Variants in FOXP1 observed in about 807,000 individuals in gnomAD.
The protein encoded by FOXP1 is forkhead box protein P1.
In FOXP1, 15 loss-of-function variants were observed where a neutral mutation model predicts 98.2. That is an observed-to-expected ratio of 0.15 (90% CI 0.10 to 0.24). The LOEUF is 0.24. FOXP1 is among the 10% of genes least tolerant of loss of function. The pLI, the probability that FOXP1 is intolerant of heterozygous loss-of-function variation, is 1.00. For synonymous variants in FOXP1, 371 were observed against 314.5 expected (o/e 1.18, Z -1.90); for missense variants, 633 against 848.5 (o/e 0.75, Z 3.15).
intron 7 of FOXP1, among the ~76,000 whole-genome samples, chr3:71,105,741 C>T (rs979167181): frequency 6.6e-6 from 1 of 152,082 alleles, no homozygotes; most frequent in Non-Finnish European, 1.5e-5. Flanking sequence ...GATCACCTTT[C>T]TGTCCCCACC....
At chr3:71,518,651 AT>A (rs2107417584) in intron 2 of FOXP1, among the ~76,000 whole-genome samples, 1 of 152,368 alleles carries the variant, frequency 6.6e-6, no homozygotes, top group East Asian at 1.9e-4. Context: ...TGGTGGCGCC[AT>A]AAAATGTAAG....
chr3:71,521,475 C>G (rs2042980857), intron 2 of FOXP1, among the ~76,000 whole-genome samples: 1 of 137,530 alleles, frequency 7.3e-6, no homozygotes, highest in African/African-American at 2.7e-5. Flanking sequence ...TGTGGTGAGC[C>G]AAGATCACAC....
chr3:71,288,068 C>CG (rs1560246552), intron 5 of FOXP1, among the ~76,000 whole-genome samples: 1 of 151,896 alleles, frequency 6.6e-6, no homozygotes, highest in African/African-American at 2.4e-5. Flanking sequence ...TTAGTAGAGA[C>CG]GGGGTTTCTC....
chr3:71,062,442 T>C (rs1434772166), intron 7 of FOXP1, among the ~76,000 whole-genome samples: 1 of 152,210 alleles, frequency 6.6e-6, no homozygotes. Context: ...GACACTTAGG[T>C]TGTTTTCTAT....
At chr3:71,218,240 T>C (rs779568543) in intron 5 of FOXP1, among the ~76,000 whole-genome samples, 1 of 152,218 alleles carries the variant, frequency 6.6e-6, no homozygotes, top group Non-Finnish European at 1.5e-5. Flanking sequence ...TAGGTCTCCA[T>C]GTATGTACAA....
At chr3:70,976,803 TACACCTAG>T (rs2037658874) in intron 17 of FOXP1, 130 bp downstream of exon 17, 1 of 676,042 alleles carries the variant, frequency 1.5e-6, no homozygotes, top group African/African-American at 1.8e-5. Flanking sequence ...CCCAATCAAA[TACACCTAG>T]AGATTGGACA....
At chr3:71,490,913 AC>A (rs1395518586) in intron 3 of FOXP1, among the ~76,000 whole-genome samples, 3 of 152,218 alleles carry the variant, frequency 2.0e-5, no homozygotes, top group African/African-American at 7.2e-5. Flanking sequence ...TTATTTCAAT[AC>A]CTTCAGAATT....
chr3:70,994,116 C>T (rs554213103), intron 13 of FOXP1, among the ~76,000 whole-genome samples: 64 of 151,866 alleles, frequency 4.2e-4, no homozygotes, highest in African/African-American at 1.4e-3. Flanking sequence ...CCAAGAAATT[C>T]GGGACATAAG....
At chr3:70,987,196 A>G (rs548894290) in intron 14 of FOXP1, among the ~76,000 whole-genome samples, 1 of 151,700 alleles carries the variant, frequency 6.6e-6, no homozygotes, top group South Asian at 2.1e-4. Context: ...TAATCAGTTA[A>G]AGCTACTAGG....
chr3:70,966,017 C>T lies in FOXP1; in HGVS notation c.1762G>A (p.Ala588Thr), dbSNP rs202173892. 390 of 1,614,076 alleles carry T rather than the reference C, an allele frequency of 2.4e-4. No individual in the cohort carries two copies. Among genetic ancestry groups the T allele is most frequent in the Admixed American group, 1.1e-3 (67 of 60,012 alleles). Residue 588 changes from alanine to threonine, a missense_variant, in exon 20 of 21, where the codon GCT (alanine) becomes ACT (threonine). Transcript: ENST00000649528. ...CCCAGAGTGGGATTTCCCATGGAAG[C>T]GGTAGTGTATAGAGGTATACTATTC... ...AENSIPLYTT[A>T]SMGNPTLGNL...
intron 5 of FOXP1, among the ~76,000 whole-genome samples, chr3:71,215,169 C>A (rs536996115): frequency 1.3e-5 from 2 of 152,304 alleles, no homozygotes; most frequent in Non-Finnish European, 2.9e-5. Flanking sequence ...TCTAGCTCAG[C>A]CAATTTTTAA....
chr3:71,230,833 A>G (rs536174139), intron 5 of FOXP1, among the ~76,000 whole-genome samples: 2 of 152,340 alleles, frequency 1.3e-5, no homozygotes, highest in Non-Finnish European at 2.9e-5. Flanking sequence ...GGCATCACTT[A>G]TCAACTGTAG....
At position 71,555,992 on chromosome 3, in the gene FOXP1, G is replaced by A. The variant is rs370055372; in HGVS notation, c.-298+25557C>T. On this transcript the variant is annotated intron_variant, in intron 2 of 20. Coordinates refer to ENST00000649528, the MANE Select transcript of FOXP1 (RefSeq NM_001349338.3). ...ATTAAACAATTATAAGAAAATAAAT[G>A]GGATGGGTAGAAAAATCTGTCTTAC... Among the ~76,000 whole-genome samples the A allele has an allele frequency of 2.6e-5, 4 of 151,954 alleles. No individual in the cohort carries two copies. In the East Asian group the frequency reaches 7.7e-4, roughly 29 times the overall value.
At chr3:71,341,201 C>A (rs1323963863) in intron 4 of FOXP1, among the ~76,000 whole-genome samples, 1 of 152,130 alleles carries the variant, frequency 6.6e-6, no homozygotes. Flanking sequence ...AGGACACTCT[C>A]CAGGATATAC....
chr3:71,422,720 C>A (rs868018724), intron 3 of FOXP1, among the ~76,000 whole-genome samples: 7 of 152,264 alleles, frequency 4.6e-5, no homozygotes, highest in Middle Eastern at 3.4e-3. Flanking sequence ...TGTACAGCTC[C>A]CACACTTCAG....
At chr3:70,969,495 A>G (rs894874942) in intron 19 of FOXP1, 2 of 152,228 alleles carry the variant, frequency 1.3e-5, no homozygotes, top group Non-Finnish European at 2.9e-5. Context: ...CTGGGCCTGT[A>G]GGGTACAGAG....
chr3:70,973,182 G>A lies in FOXP1; in HGVS notation c.1531-506C>T, dbSNP rs572789985. 1.6e-3 allele frequency among the ~76,000 whole-genome samples: 239 copies of A among 152,252 alleles called. 2 individuals are homozygous for A. The highest frequency in any genetic ancestry group is 5.5e-3 in the African/African-American group (228 of 41,546). On this transcript the variant is annotated intron_variant, in intron 17 of 20. Coordinates refer to ENST00000649528, the MANE Select transcript of FOXP1 (RefSeq NM_001349338.3). ...GAAGAATTCTAAAGTGGATTTTACCGTTGAGAGTATCGCCTTGTATAGTCA... is the reference window on the plus strand; with the variant it reads ...GAAGAATTCTAAAGTGGATTTTACCATTGAGAGTATCGCCTTGTATAGTCA...
chr3:71,158,135 GGGAGGCAGGGAA>G (rs1290228450), intron 6 of FOXP1, among the ~76,000 whole-genome samples: 1 of 69,128 alleles, frequency 1.4e-5, no homozygotes, highest in African/African-American at 5.3e-5. Context: ...GAGGGAGGGA[GGGAGGCAGGGAA>G]GGAGGGAGGG....
At chr3:71,330,292 T>C (rs192814586) in intron 4 of FOXP1, among the ~76,000 whole-genome samples, 10 of 152,370 alleles carry the variant, frequency 6.6e-5, no homozygotes, top group Admixed American at 5.2e-4. Flanking sequence ...AGAGCATTTC[T>C]ACTTTCTTGT....
Sources: allele counts gnomAD v4.1 joint callset (sites outside exome capture counted in the v4.1 genomes callset), GRCh38; gene constraint gnomAD v4.1.1; transcripts MANE v1.5; gene names NCBI Gene and HGNC (gene_info 2026-07-23, HGNC 2026-07-21).